TAFA1: variants seen among roughly 807,000 people sequenced by gnomAD.
TAFA1 encodes the protein chemokine-like protein TAFA-1.
Under a neutral mutation model 18.5 loss-of-function variants are expected in TAFA1, and 4 were observed. That is an observed-to-expected ratio of 0.22 (90% CI 0.11 to 0.49). The LOEUF (loss-of-function observed/expected upper bound fraction) is 0.49, where lower values mean the gene tolerates loss of function less well. TAFA1 is among the 20% of genes least tolerant of loss of function. The probability of loss-of-function intolerance (pLI) is 0.98; values close to 1 mark genes in which losing one functional copy is unlikely to be tolerated. For missense variants in TAFA1, 147 were observed against 169.0 expected, an observed-to-expected ratio of 0.87 and a Z score of 0.72; for synonymous variants, 56 against 55.2, an observed-to-expected ratio of 1.01 and a Z score of -0.06.
chr3:68,475,398 G>C (rs189361928), intron 3 of TAFA1, among the ~76,000 whole-genome samples: 133 of 151,652 alleles, frequency 8.8e-4, no homozygotes, highest in Non-Finnish European at 1.5e-3. Context: ...CTATGAGTGA[G>C]AACATGTCGT....
chr3:68,248,704 T>G (rs893571458), intron 2 of TAFA1, among the ~76,000 whole-genome samples: 2 of 103,878 alleles, frequency 1.9e-5, no homozygotes, highest in African/African-American at 7.4e-5. Context: ...ATCTGAGTCC[T>G]GAGTTTTGCG....
intron 2 of TAFA1, among the ~76,000 whole-genome samples, chr3:68,305,442 T>TATATATAC (rs2068397358): frequency 8.5e-6 from 1 of 117,150 alleles, no homozygotes; most frequent in Non-Finnish European, 1.8e-5. Flanking sequence ...TATATATATA[T>TATATATAC]ATATATATAT....
chr3:68,266,522 T>C (rs1306769257), intron 2 of TAFA1, among the ~76,000 whole-genome samples: 1 of 152,212 alleles, frequency 6.6e-6, no homozygotes, highest in Non-Finnish European at 1.5e-5. Context: ...AGAAACTCGT[T>C]TGATCTTTAT....
intron 2 of TAFA1, among the ~76,000 whole-genome samples, chr3:68,225,447 C>G (rs974470932): frequency 2.0e-5 from 3 of 152,142 alleles, no homozygotes; most frequent in Non-Finnish European, 4.4e-5. Context: ...CTAATAATTC[C>G]TGCCTGTGGT....
At chr3:68,333,742 A>T (rs1360729753) in intron 2 of TAFA1, among the ~76,000 whole-genome samples, 1 of 152,214 alleles carries the variant, frequency 6.6e-6, no homozygotes, top group Non-Finnish European at 1.5e-5. Flanking sequence ...TCATTGCAGC[A>T]TTATTCACAA....
Position 68,302,188 on chromosome 3 carries a change from C to A in TAFA1, c.119-115092C>A, listed in dbSNP as rs114216512. Reference sequence around the variant, plus strand: ...GGCCAAAGTAATAATTACATTAAATCTTAATTCATTAAATAAAACTACTAG... The same window carrying A: ...GGCCAAAGTAATAATTACATTAAATATTAATTCATTAAATAAAACTACTAG... On this transcript the variant is annotated intron_variant, in intron 2 of 4. Coordinates refer to ENST00000478136, the MANE Select transcript of TAFA1 (RefSeq NM_213609.4). 5.6e-3 allele frequency among the ~76,000 whole-genome samples: 853 copies of A among 152,240 alleles called. 5 individuals carry two copies. The highest frequency in any genetic ancestry group is 0.019 in the African/African-American group (785 of 41,564).
intron 2 of TAFA1, among the ~76,000 whole-genome samples, chr3:68,343,187 A>G (rs908821720): frequency 6.6e-6 from 1 of 152,198 alleles, no homozygotes; most frequent in African/African-American, 2.4e-5. Flanking sequence ...TGGCATTTTA[A>G]TGTATCCCAA....
At chr3:68,409,958 G>T (rs2070680871) in intron 2 of TAFA1, among the ~76,000 whole-genome samples, 1 of 152,082 alleles carries the variant, frequency 6.6e-6, no homozygotes, top group African/African-American at 2.4e-5. Context: ...CCTTTTAAAA[G>T]AAACATTATC....
At chr3:68,081,841 C>A (rs947729881) in intron 2 of TAFA1, among the ~76,000 whole-genome samples, 2 of 152,206 alleles carry the variant, frequency 1.3e-5, no homozygotes, top group African/African-American at 4.8e-5. Context: ...TGGGCTCCAC[C>A]CAGTTCGAGC....
At chr3:68,331,768 A>G (rs1307158758) in intron 2 of TAFA1, among the ~76,000 whole-genome samples, 1 of 152,098 alleles carries the variant, frequency 6.6e-6, no homozygotes, top group Non-Finnish European at 1.5e-5. Flanking sequence ...AACAGAAAGG[A>G]CAGAAGTAAA....
At chr3:68,425,484 T>C (rs2071035438) in intron 3 of TAFA1, among the ~76,000 whole-genome samples, 1 of 151,958 alleles carries the variant, frequency 6.6e-6, no homozygotes, top group Non-Finnish European at 1.5e-5. Flanking sequence ...AGTGAAGTGA[T>C]GGCATTTTCA....
intron 2 of TAFA1, among the ~76,000 whole-genome samples, chr3:68,246,294 A>G (rs1206100292): frequency 6.6e-6 from 1 of 152,052 alleles, no homozygotes; most frequent in Non-Finnish European, 1.5e-5. Flanking sequence ...TATTTTTTCT[A>G]TAAATTGAGA....
upstream of TAFA1, among the ~76,000 whole-genome samples, chr3:68,002,903 A>G (rs1704299759): frequency 6.6e-6 from 1 of 152,178 alleles, no homozygotes; most frequent in African/African-American, 2.4e-5. Context: ...AAGACATACT[A>G]TAGAATGTGC....
At chr3:68,481,046 G>A (rs1003550970) in intron 3 of TAFA1, among the ~76,000 whole-genome samples, 1 of 152,220 alleles carries the variant, frequency 6.6e-6, no homozygotes, top group Admixed American at 6.5e-5. Context: ...TCCCAGCCAT[G>A]TGGAACTGTG....
At chr3:68,458,534 C>A (rs1484590802) in intron 3 of TAFA1, among the ~76,000 whole-genome samples, 1 of 152,162 alleles carries the variant, frequency 6.6e-6, no homozygotes, top group Non-Finnish European at 1.5e-5. Context: ...GAAAGTTAAG[C>A]AGTCTGTCCA....
chr3:68,478,126 G>A (rs530766512), intron 3 of TAFA1, among the ~76,000 whole-genome samples: 11 of 152,326 alleles, frequency 7.2e-5, no homozygotes, highest in African/African-American at 2.6e-4. Context: ...TATTCCTTGT[G>A]ATTCCTGAAT....
intron 2 of TAFA1, among the ~76,000 whole-genome samples, chr3:68,328,109 T>A (rs1436031559): frequency 6.6e-6 from 1 of 152,192 alleles, no homozygotes; most frequent in Non-Finnish European, 1.5e-5. Context: ...ATTTTGACAC[T>A]GGCTAGGATC....
chr3:68,115,597 G>T (rs1379254131), intron 2 of TAFA1, among the ~76,000 whole-genome samples: 1 of 152,170 alleles, frequency 6.6e-6, no homozygotes, highest in East Asian at 1.9e-4. Context: ...ACCCACATTA[G>T]CTAAGGTGCT....
chr3:68,432,460 G>A (rs889860520), intron 3 of TAFA1, among the ~76,000 whole-genome samples: 4 of 151,858 alleles, frequency 2.6e-5, no homozygotes, highest in Non-Finnish European at 5.9e-5. Context: ...TCATTAATAA[G>A]TGCATTTCTA....
Sources: allele counts gnomAD v4.1 joint callset (sites outside exome capture counted in the v4.1 genomes callset), GRCh38; gene constraint gnomAD v4.1.1; transcripts MANE v1.5; gene names NCBI Gene and HGNC (gene_info 2026-07-23, HGNC 2026-07-21).